The following NEK9 variants were observed in gnomAD, a reference collection of about 807,000 sequenced individuals.
NEK9 encodes serine/threonine-protein kinase Nek9.
NEK9 carries 75 observed loss-of-function variants against 123.4 expected under a neutral mutation model. The ratio of observed to expected loss-of-function variants is 0.61; its 90% CI spans 0.50 to 0.74. NEK9 has a LOEUF of 0.74. NEK9 is among the 30% of genes least tolerant of loss of function. The probability of loss-of-function intolerance (pLI) is 0.00; values close to 1 mark genes in which losing one functional copy is unlikely to be tolerated. For synonymous variants in NEK9, 438 were observed against 458.7 expected, an observed-to-expected ratio of 0.95 and a Z score of 0.58; for missense variants, 952 against 1,214.4, an observed-to-expected ratio of 0.78 and a Z score of 3.21.
At chr14:75,100,175 A>C (rs1451263063) in intron 16 of NEK9, among the ~76,000 whole-genome samples, 1 of 141,690 alleles carries the variant, frequency 7.1e-6, no homozygotes, top group African/African-American at 2.6e-5. Flanking sequence ...GGCCAGGCAC[A>C]ATGGCTCACG....
intron 21 of NEK9, 128 bp from the exon 22 acceptor site, chr14:75,084,814 G>A (rs780239718): frequency 1.6e-5 from 18 of 1,135,152 alleles, no homozygotes; most frequent in Admixed American, 4.0e-5. Context: ...TTGTAGCCAC[G>A]ATCTTGTGAG....
chr14:75,092,526 C>T (rs1894253658), intron 18 of NEK9, among the ~76,000 whole-genome samples: 5 of 152,238 alleles, frequency 3.3e-5, no homozygotes, highest in Admixed American at 3.3e-4. Flanking sequence ...CTCGGCCTCC[C>T]AAAGTGCTGG....
At chr14:75,118,585 G>A (rs1366260763) in intron 5 of NEK9, among the ~76,000 whole-genome samples, 1 of 152,184 alleles carries the variant, frequency 6.6e-6, no homozygotes, top group African/African-American at 2.4e-5. Flanking sequence ...AAACAGTAAA[G>A]CATTTTGCTG....
intron 6 of NEK9, among the ~76,000 whole-genome samples, chr14:75,115,600 T>C (rs1032522442): frequency 2.0e-5 from 3 of 152,234 alleles, no homozygotes; most frequent in Non-Finnish European, 4.4e-5. Flanking sequence ...TATATATTGT[T>C]ACCATGTTAT....
At chr14:75,105,042 G>A (rs953606646) in intron 13 of NEK9, among the ~76,000 whole-genome samples, 1 of 152,186 alleles carries the variant, frequency 6.6e-6, no homozygotes, top group Non-Finnish European at 1.5e-5. Flanking sequence ...AGAGGTGACA[G>A]AGTACTGAGG....
intron 7 of NEK9, 41 bp downstream of exon 7, chr14:75,114,162 G>A: frequency 1.4e-6 from 2 of 1,389,784 alleles, no homozygotes; most frequent in Non-Finnish European, 2.0e-6. Context: ...AGGCTGGAAG[G>A]GGAAATACGA....
intron 10 of NEK9, among the ~76,000 whole-genome samples, chr14:75,107,824 A>C (rs1248882814): frequency 6.6e-6 from 1 of 152,246 alleles, no homozygotes. Context: ...TAGTATACAG[A>C]TCCTGCCAAC....
Position 75,127,036 on chromosome 14 carries a change from G to C in NEK9, c.-115C>G. On this transcript the variant is annotated 5_prime_UTR_variant, in exon 1 of 22. Transcript: ENST00000238616. ...GGATCCGTCAGCCCAGCAACCCCGC[G>C]AAGCTCGATGGTGGCTCCTGCCCCC... 1.2e-6 allele frequency: 1 copy of C among 808,236 alleles called. No homozygotes were observed. The highest frequency in any genetic ancestry group is 2.0e-5 in the South Asian group (1 of 48,940). The allele number at this position is 808,236 out of a possible 1,614,324, so 50.1% of individuals were successfully genotyped here. A position where few individuals can be genotyped will look rare whatever the true frequency, so the allele number is the denominator to read the frequency against.
intron 3 of NEK9, 114 bp downstream of exon 3, chr14:75,121,005 A>C: frequency 1.2e-6 from 1 of 838,308 alleles, no homozygotes; most frequent in Non-Finnish European, 2.0e-6. Flanking sequence ...GCCTGGAAGG[A>C]GTCTGAACAA....
In NEK9 at chr14:75,097,085, A is replaced by G. The variant is rs1894410902; in HGVS notation, c.2173+15T>C. On this transcript the variant is annotated intron_variant, in intron 17 of 21. Transcript: ENST00000238616. ...TGTCAAAGCCATCCCAACCCCAGAC[A>G]TATGAAACTCTTACCAACGATGAGA... is the stretch of plus-strand genomic sequence containing the variant. The G allele has an allele frequency of 1.9e-6, 3 of 1,590,714 alleles. No homozygotes were observed. The highest frequency in any genetic ancestry group is 1.7e-6 in the Non-Finnish European group (2 of 1,166,546).
Position 75,079,628 on chromosome 14 carries a change from C to T in NEK9, c.*4936G>A, listed in dbSNP as rs1353592054. On this transcript the variant is annotated 3_prime_UTR_variant, in exon 22 of 22. Coordinates refer to ENST00000238616, the MANE Select transcript of NEK9 (RefSeq NM_033116.6). The stretch of plus-strand genomic sequence containing the variant: ...TGTTTTATTTCGCTGGCCTAGCATT[C>T]ATAATATGATCTGACATTTAAAAAC... The T allele has an allele frequency of 6.6e-6, 1 of 152,216 alleles. No homozygotes were observed. Among genetic ancestry groups the T allele is most frequent in the Non-Finnish European group, 1.5e-5 (1 of 68,040 alleles). The allele number at this position is 152,216 out of a possible 1,614,324, so 9.4% of individuals were successfully genotyped here. A position where few individuals can be genotyped will look rare whatever the true frequency, so the allele number is the denominator to read the frequency against.
intron 18 of NEK9, among the ~76,000 whole-genome samples, chr14:75,093,918 G>C (rs189716745): frequency 1.3e-5 from 2 of 152,280 alleles, no homozygotes; most frequent in Admixed American, 6.5e-5. Flanking sequence ...CCATTTGCCA[G>C]GCACTGTTCT....
intron 2 of NEK9, among the ~76,000 whole-genome samples, chr14:75,122,221 T>A (rs551125392): frequency 2.0e-5 from 3 of 151,888 alleles, no homozygotes; most frequent in African/African-American, 4.9e-5. Flanking sequence ...CAGTTCTTCC[T>A]AACCACAAAA....
At chr14:75,110,731 C>T (rs554216834) in intron 8 of NEK9, among the ~76,000 whole-genome samples, 53 of 152,028 alleles carry the variant, frequency 3.5e-4, no homozygotes, top group African/African-American at 1.2e-3. Context: ...CAAATATGAG[C>T]TTGTTAGCTT....
intron 15 of NEK9, 136 bp from the exon 16 acceptor site, chr14:75,101,289 A>C (rs1894571562): frequency 1.1e-6 from 1 of 930,586 alleles, no homozygotes; most frequent in Non-Finnish European, 1.6e-6. Context: ...ATGATCCTGG[A>C]CCTAGGACAA....
chr14:75,098,410 A>G (rs1378273907), intron 16 of NEK9, among the ~76,000 whole-genome samples: 1 of 152,208 alleles, frequency 6.6e-6, no homozygotes, highest in Non-Finnish European at 1.5e-5. Flanking sequence ...TAACTGGGTT[A>G]TATGGCCCAC....
At chr14:75,123,670 G>C (rs1012918473) in intron 2 of NEK9, among the ~76,000 whole-genome samples, 15 of 152,174 alleles carry the variant, frequency 9.9e-5, no homozygotes, top group African/African-American at 3.6e-4. Flanking sequence ...TTTAGCTGAA[G>C]ACAATATAAA....
chr14:75,117,716 A>G (rs897653280), intron 5 of NEK9, among the ~76,000 whole-genome samples: 37 of 152,332 alleles, frequency 2.4e-4, no homozygotes, highest in South Asian at 6.2e-4. Context: ...ATGGTAACTC[A>G]ATGAAGGAAT....
chr14:75,080,014 T>C lies in NEK9; in HGVS notation c.*4550A>G, dbSNP rs1456262438. ...TTAAGTGTTCCCTTTAATCTCTACA[T>C]GTTTAGGCCTTGGTTATATTAGAAA... On this transcript the variant is annotated 3_prime_UTR_variant, in exon 22 of 22. Transcript: ENST00000238616. 1.3e-5 allele frequency: 2 copies of C among 152,180 alleles called. No individual in the cohort carries two copies. The highest frequency in any genetic ancestry group is 2.4e-5 in the African/African-American group (1 of 41,448). The allele number at this position is 152,180 out of a possible 1,614,324, so 9.4% of individuals were successfully genotyped here. A position where few individuals can be genotyped will look rare whatever the true frequency, so the allele number is the denominator to read the frequency against.
Sources: allele counts gnomAD v4.1 joint callset (sites outside exome capture counted in the v4.1 genomes callset), GRCh38; gene constraint gnomAD v4.1.1; transcripts MANE v1.5; gene names NCBI Gene and HGNC (gene_info 2026-07-23, HGNC 2026-07-21).